GABRR2: variants seen among roughly 807,000 people sequenced by gnomAD.
GABRR2 encodes gamma-aminobutyric acid receptor subunit rho-2.
GABRR2 carries 36 observed loss-of-function variants against 47.0 expected under a neutral mutation model. The ratio of observed to expected loss-of-function variants is 0.77; its 90% confidence interval spans 0.59 to 1.01. The LOEUF (loss-of-function observed/expected upper bound fraction) is 1.01, where lower values mean the gene tolerates loss of function less well. Ranked by LOEUF, GABRR2 falls within the 50% of genes least tolerant of loss-of-function variation. GABRR2 has a pLI of 0.00. For synonymous variants in GABRR2, 204 were observed against 227.5 expected (o/e 0.90, Z 0.93); for missense variants, 587 against 594.6 (o/e 0.99, Z 0.13).
chr6:89,264,279 A>G (rs1357738127), intron 8 of GABRR2, 133 bp downstream of exon 8: 2 of 1,108,282 alleles, frequency 1.8e-6, no homozygotes, highest in Admixed American at 2.8e-5. Flanking sequence ...CTATTCTAAA[A>G]CAAGATCCTC....
rs574541051 is a variant in GABRR2 at position 89,301,869 on chromosome 6, C to G, written c.114-2004G>C. 1.0e-5 allele frequency: 12 copies of G among 1,145,516 alleles called. No individual in the cohort carries two copies. The African/African-American group carries it at 1.7e-4, about 16-fold the overall frequency. The allele number at this position is 1,145,516 out of a possible 1,614,324, so 71.0% of individuals were successfully genotyped here. ...GGGAAGTCATCAGTGATGAGCATGG[C>G]ATAGACCCCAGCGGCAACTACGTGG... is the stretch of plus-strand genomic sequence containing the variant. On this transcript the variant is annotated intron_variant, in intron 1 of 8. Transcript: ENST00000402938.
intron 7 of GABRR2, among the ~76,000 whole-genome samples, 164 bp downstream of exon 7, chr6:89,265,449 T>TAGATGTG (rs1232649382): frequency 2.6e-5 from 4 of 152,162 alleles, no homozygotes; most frequent in Non-Finnish European, 5.9e-5. Flanking sequence ...TGGAGGAAAC[T>TAGATGTG]GAGGCCAGCA....
At chr6:89,292,844 T>TA (rs1774493999) in intron 2 of GABRR2, among the ~76,000 whole-genome samples, 3 of 137,130 alleles carry the variant, frequency 2.2e-5, no homozygotes, top group Non-Finnish European at 4.7e-5. Context: ...ATACGATATA[T>TA]CGTATATATC....
chr6:89,280,377 C>G (rs1304029038), intron 2 of GABRR2, among the ~76,000 whole-genome samples: 2 of 151,944 alleles, frequency 1.3e-5, no homozygotes, highest in Non-Finnish European at 1.5e-5. Context: ...TCCCTCAGCA[C>G]TCACAGAGCA....
At chr6:89,279,216 G>A (rs1774217439) in intron 2 of GABRR2, among the ~76,000 whole-genome samples, 1 of 152,138 alleles carries the variant, frequency 6.6e-6, no homozygotes, top group Admixed American at 6.5e-5. Flanking sequence ...GCTCCTGACA[G>A]TTTGCTTGTG....
chr6:89,307,095 G>T (rs1448193699), intron 1 of GABRR2, among the ~76,000 whole-genome samples: 6 of 152,190 alleles, frequency 3.9e-5, no homozygotes, highest in African/African-American at 1.2e-4. Flanking sequence ...ACTTCTAGGA[G>T]AAATTTAAAC....
intron 2 of GABRR2, among the ~76,000 whole-genome samples, chr6:89,277,558 C>T (rs577658149): frequency 1.3e-5 from 2 of 151,904 alleles, no homozygotes; most frequent in African/African-American, 4.8e-5. Flanking sequence ...TAACAATAAA[C>T]ATATTTGTGT....
At chr6:89,307,037 G>T (rs1767580399) in intron 1 of GABRR2, among the ~76,000 whole-genome samples, 1 of 152,188 alleles carries the variant, frequency 6.6e-6, no homozygotes, top group Non-Finnish European at 1.5e-5. Context: ...ACAATGCCCG[G>T]CATGTAGCAG....
intron 8 of GABRR2, among the ~76,000 whole-genome samples, chr6:89,264,119 G>A (rs1189656051): frequency 1.3e-5 from 2 of 152,160 alleles, no homozygotes; most frequent in Non-Finnish European, 2.9e-5. Context: ...TACAGTAGAG[G>A]TGAGGGTTCT....
intron 2 of GABRR2, among the ~76,000 whole-genome samples, chr6:89,296,936 C>G (rs1774564823): frequency 6.6e-6 from 1 of 152,186 alleles, no homozygotes. Context: ...TCACCTAACT[C>G]CTTGGACCCC....
chr6:89,267,955 A>T, intron 5 of GABRR2, 59 bp downstream of exon 5: 1 of 1,584,732 alleles, frequency 6.3e-7, no homozygotes, highest in South Asian at 1.1e-5. Flanking sequence ...ATGATTACTA[A>T]AATGGCACAA....
At chr6:89,305,334 G>T (rs1304225354) in intron 1 of GABRR2, among the ~76,000 whole-genome samples, 5 of 152,026 alleles carry the variant, frequency 3.3e-5, no homozygotes, top group Non-Finnish European at 5.9e-5. Context: ...CAGAAAAAAA[G>T]AAAAAGAAAA....
chr6:89,311,126 C>G (rs533121943), intron 1 of GABRR2, among the ~76,000 whole-genome samples: 1 of 152,276 alleles, frequency 6.6e-6, no homozygotes. Context: ...GGTCTCTGGG[C>G]AGTGACCGTG....
Position 89,314,024 on chromosome 6 carries a change from T to G in GABRR2, c.113+1029A>C, listed in dbSNP as rs558718857. ...TAACTCTTATTTATATTCAGGGTTTTTTTTTTTTTTTTCTAAAAATAAGAA... is the reference window on the plus strand; with the variant it reads ...TAACTCTTATTTATATTCAGGGTTTGTTTTTTTTTTTTCTAAAAATAAGAA... On this transcript the variant is annotated intron_variant, in intron 1 of 8. Transcript: ENST00000402938. Among the ~76,000 whole-genome samples the G allele has an allele frequency of 2.4e-4, 35 of 144,792 alleles. 1 individual carries two copies. In the South Asian group the frequency reaches 6.3e-3, roughly 26 times the overall value. 95.0% of individuals were successfully genotyped at this position (144,792 alleles called of 152,430 possible).
chr6:89,268,229 A>G, intron 4 of GABRR2, 133 bp from the exon 5 acceptor site: 1 of 708,564 alleles, frequency 1.4e-6, no homozygotes, highest in Non-Finnish European at 2.6e-6. Context: ...GGAAACAGTT[A>G]TCTGAGTTAT....
At chr6:89,262,246 G>A (rs1773764604) in intron 8 of GABRR2, among the ~76,000 whole-genome samples, 1 of 152,132 alleles carries the variant, frequency 6.6e-6, no homozygotes, top group Non-Finnish European at 1.5e-5. Flanking sequence ...TGCATATAGG[G>A]TCCAATTGTA....
chr6:89,267,703 T>A lies in GABRR2; in HGVS notation c.712A>T (p.Arg238Trp), dbSNP rs561130317. 1.1e-4 allele frequency: 173 copies of A among 1,613,824 alleles called. 1 individual carries two copies. In the East Asian group the frequency reaches 3.8e-3, roughly 36 times the overall value. ...FLIQKFHTTS[R>W]LAFYSSTGWY... ...CCAGTGCTGCTGTAGAAGGCCAGCC[T>A]GGAAGTTGTGTGAAATTTCTGAATC... Residue 238 changes from arginine (R) to tryptophan (W), a missense_variant, in exon 6 of 9, where the codon AGG (arginine) becomes TGG (tryptophan). Arg to Trp is a moderately radical substitution (Grantham distance 101). Coordinates refer to ENST00000402938, the MANE Select transcript of GABRR2 (RefSeq NM_002043.5).
intron 8 of GABRR2, 137 bp downstream of exon 8, chr6:89,264,275 T>G (rs1773823809): frequency 9.3e-7 from 1 of 1,076,218 alleles, no homozygotes; most frequent in African/African-American, 1.6e-5. Context: ...GAACCTATTC[T>G]AAAACAAGAT....
chr6:89,264,429 G>T lies in GABRR2; in HGVS notation c.1069C>A (p.Arg357=). The part of the protein sequence containing the change: ...YLTTVQERKE[R]KLREKFPCMC... Reference sequence around the variant, plus strand: ...CCTCTCACCTTCTCCCGCAGCTTCCGTTCCTTGCGCTCCTGCACGGTGGTC... The same window carrying T: ...CCTCTCACCTTCTCCCGCAGCTTCCTTTCCTTGCGCTCCTGCACGGTGGTC... The change falls in exon 8 of 9, where the codon CGG becomes AGG. Residue 357 remains arginine (R), a synonymous_variant. Coordinates refer to ENST00000402938, the MANE Select transcript of GABRR2 (RefSeq NM_002043.5). The T allele has an allele frequency of 1.2e-6, 2 of 1,613,764 alleles. No individual in the cohort carries two copies. Among genetic ancestry groups the T allele is most frequent in the Non-Finnish European group, 8.5e-7 (1 of 1,179,846 alleles).
Sources: allele counts gnomAD v4.1 joint callset (sites outside exome capture counted in the v4.1 genomes callset), GRCh38; gene constraint gnomAD v4.1.1; transcripts MANE v1.5; gene names NCBI Gene and HGNC (gene_info 2026-07-23, HGNC 2026-07-21).